LPIN2: variants seen among roughly 807,000 people sequenced by gnomAD.
LPIN2 encodes lipin 2.
In LPIN2, 55 loss-of-function variants were observed where a neutral mutation model predicts 111.4. That is an observed-to-expected ratio of 0.49 (90% CI 0.40 to 0.62). The LOEUF is 0.62. Among genes scored for constraint, LPIN2 ranks in the 20% least tolerant of loss-of-function variants. The pLI is 0.00. For synonymous variants in LPIN2, 425 were observed against 414.0 expected (o/e 1.03, Z -0.32); for missense variants, 992 against 1,112.1 (o/e 0.89, Z 1.54).
intron 5 of LPIN2, 30 bp from the exon 6 acceptor site, chr18:2,939,633 T>C: frequency 6.2e-7 from 1 of 1,609,956 alleles, no homozygotes; most frequent in Non-Finnish European, 8.5e-7. Flanking sequence ...ACACGATGAC[T>C]TGAAAGTCGG....
Position 2,921,358 on chromosome 18 carries a change from A to G in LPIN2, c.2442+175T>C, listed in dbSNP as rs193069703. On this transcript the variant is annotated intron_variant, in intron 18 of 19. Transcript: ENST00000677752. ...TCTGGGGCAGATCTGCACCTGCAGG[A>G]CCTCCCCAGTTGCTATAGATATTTG... 248 of 657,642 alleles carry G rather than the reference A, an allele frequency of 3.8e-4. No individual in the cohort carries two copies. The African/African-American group carries it at 4.0e-3, about 11-fold the overall frequency. The allele number at this position is 657,642 out of a possible 1,614,324, so 40.7% of individuals were successfully genotyped here.
intron 1 of LPIN2, chr18:2,972,305 C>G (rs762962380): frequency 1.3e-5 from 2 of 152,168 alleles, no homozygotes; most frequent in Non-Finnish European, 2.9e-5. Flanking sequence ...GAATACTGAG[C>G]AGCGCAGCAG....
chr18:2,932,216 ACT>A (rs1321558491), intron 8 of LPIN2, among the ~76,000 whole-genome samples: 1 of 152,086 alleles, frequency 6.6e-6, no homozygotes, highest in Non-Finnish European at 1.5e-5. Context: ...AATGCTTACT[ACT>A]CTATACCCTT....
chr18:2,931,595 G>T (rs1490251531), intron 8 of LPIN2, 152 bp from the exon 9 acceptor site: 1 of 729,080 alleles, frequency 1.4e-6, no homozygotes, highest in Admixed American at 2.1e-5. Context: ...CTTAGATAGG[G>T]TTTAGAATCA....
chr18:3,005,676 T>TACACAC (rs34050872), intron 1 of LPIN2, among the ~76,000 whole-genome samples: 24,327 of 146,852 alleles, frequency 0.17, 2,047 homozygotes, highest in South Asian at 0.3. Flanking sequence ...GACACTATCT[T>TACACAC]ACACACACAC....
intron 1 of LPIN2, among the ~76,000 whole-genome samples, chr18:2,986,799 T>C (rs1342451905): frequency 2.0e-5 from 3 of 152,218 alleles, no homozygotes; most frequent in African/African-American, 7.2e-5. Flanking sequence ...CAAGTGCATC[T>C]GAACATTAAG....
intron 8 of LPIN2, among the ~76,000 whole-genome samples, chr18:2,932,753 G>A (rs1367188611): frequency 6.6e-6 from 1 of 152,190 alleles, no homozygotes; most frequent in East Asian, 1.9e-4. Flanking sequence ...CCTCTCCTAT[G>A]CGATGCTCAT....
At chr18:2,986,232 A>C (rs1311812532) in intron 1 of LPIN2, among the ~76,000 whole-genome samples, 1 of 152,268 alleles carries the variant, frequency 6.6e-6, no homozygotes, top group African/African-American at 2.4e-5. Flanking sequence ...TTTTTCAAAC[A>C]TTTGTAGTTT....
intron 2 of LPIN2, 146 bp downstream of exon 2, chr18:2,960,503 A>G (rs997381003): frequency 2.8e-5 from 21 of 760,066 alleles, no homozygotes; most frequent in Non-Finnish European, 4.4e-5. Flanking sequence ...TTGTCTCAAC[A>G]TCATTCAGGT....
chr18:2,983,061 G>A (rs192161169), intron 1 of LPIN2, among the ~76,000 whole-genome samples: 2 of 152,288 alleles, frequency 1.3e-5, no homozygotes. Flanking sequence ...TCACATGATG[G>A]CCACTGCAGC....
intron 1 of LPIN2, among the ~76,000 whole-genome samples, chr18:2,998,438 T>C (rs1362730375): frequency 7.9e-5 from 12 of 152,212 alleles, no homozygotes; most frequent in Non-Finnish European, 1.5e-5. Flanking sequence ...CAGCAGTGTC[T>C]ATTCTATTCT....
intron 1 of LPIN2, among the ~76,000 whole-genome samples, chr18:2,998,357 C>CT (rs1321019994): frequency 2.0e-5 from 3 of 152,210 alleles, no homozygotes; most frequent in Non-Finnish European, 4.4e-5. Context: ...CTTCCAAGAG[C>CT]AACAGCAAGT....
rs377297663 is a variant in LPIN2, at chr18:2,937,806, T to A, written c.1054A>T (p.Ser352Cys). ...TCTAACATAGATGAAATCTGAGTAC[T>A]CTCAAGAGGAGGTTCGAGAAGCTCT... ...VAELLEPPLE[S>C]TQISSMLDAD... Residue 352 changes from serine to cysteine, a missense_variant, in exon 7 of 20, where the codon AGT (serine) becomes TGT (cysteine). Around this residue, in one of 4 missense-constraint regions of LPIN2, gnomAD observed 709 missense variants for 753.2 expected, o/e 0.94. Transcript: ENST00000677752. 2 of 1,614,122 alleles carry A rather than the reference T, an allele frequency of 1.2e-6. No individual in the cohort carries two copies. Among genetic ancestry groups the A allele is most frequent in the Non-Finnish European group, 8.5e-7 (1 of 1,180,016 alleles).
chr18:2,939,041 G>A (rs1779161386), intron 6 of LPIN2, among the ~76,000 whole-genome samples: 1 of 152,180 alleles, frequency 6.6e-6, no homozygotes, highest in African/African-American at 2.4e-5. Context: ...CACACCTGCA[G>A]TCTCAGCTAC....
chr18:2,944,898 A>G (rs918023671), intron 4 of LPIN2, among the ~76,000 whole-genome samples: 18 of 152,204 alleles, frequency 1.2e-4, no homozygotes, highest in African/African-American at 4.1e-4. Context: ...TATGTTTCCT[A>G]TACTCTTACA....
chr18:2,924,344 C>T lies in LPIN2; in HGVS notation c.2087+54G>A. ...GAACTCCCCACCACACACTGCCTGC[C>T]CCTCCCTGAGCACGGGGCTGTTCCT... On this transcript the variant is annotated intron_variant, in intron 15 of 19. Transcript: ENST00000677752. 1.9e-6 allele frequency: 3 copies of T among 1,610,578 alleles called. No homozygotes were observed. The Admixed American group carries it at 5.0e-5, about 27-fold the overall frequency.
intron 4 of LPIN2, among the ~76,000 whole-genome samples, chr18:2,942,683 C>T (rs2077381323): frequency 6.6e-6 from 1 of 152,122 alleles, no homozygotes; most frequent in Non-Finnish European, 1.5e-5. Context: ...TAGTCTAGGC[C>T]CACTACAGTG....
chr18:2,981,855 CCA>C (rs2078115864), intron 1 of LPIN2, among the ~76,000 whole-genome samples: 2 of 152,234 alleles, frequency 1.3e-5, no homozygotes, highest in South Asian at 2.1e-4. Context: ...AAGTTATGAG[CCA>C]CAGATTTTAG....
chr18:3,000,076 G>A (rs1404319679), intron 1 of LPIN2, among the ~76,000 whole-genome samples: 1 of 147,072 alleles, frequency 6.8e-6, no homozygotes, highest in East Asian at 2.0e-4. Context: ...GGAGGAGGAA[G>A]AGGAGAAGGA....
Sources: gnomAD v4.1 joint callset for allele counts (sites outside exome capture counted in the v4.1 genomes callset) on GRCh38, gnomAD v4.1.1 for gene constraint, gnomAD v4.1.1 regional missense constraint, MANE v1.5 for transcripts, NCBI Gene and HGNC (gene_info 2026-07-23, HGNC 2026-07-21) for gene names.